ANKRD30B: variants seen among roughly 807,000 people sequenced by gnomAD.
ANKRD30B encodes the protein ankyrin repeat domain-containing protein 30B.
Under a neutral mutation model 202.2 loss-of-function variants are expected in ANKRD30B, and 144 were observed. The ratio of observed to expected loss-of-function variants is 0.71; its 90% CI spans 0.62 to 0.82. ANKRD30B has a LOEUF of 0.82. ANKRD30B is among the 40% of genes least tolerant of loss of function. The probability of loss-of-function intolerance (pLI) is 0.00; values close to 1 mark genes in which losing one functional copy is unlikely to be tolerated. For synonymous variants in ANKRD30B, 508 were observed against 561.3 expected, an observed-to-expected ratio of 0.91 and a Z score of 1.34; for missense variants, 1,487 against 1,669.1, an observed-to-expected ratio of 0.89 and a Z score of 1.90.
At chr18:14,904,598 A>G in the ANKRD30B span, among the ~76,000 whole-genome samples, 2 of 151,934 alleles carry the variant, frequency 1.3e-5, no homozygotes, top group Admixed American at 6.6e-5. Flanking sequence ...TCATGTCTAT[A>G]TATCCATTTA....
intron 18 of ANKRD30B, 53 bp from the exon 19 acceptor site, chr18:14,797,608 T>A: frequency 1.3e-6 from 2 of 1,535,846 alleles, no homozygotes; most frequent in African/African-American, 1.4e-5. Flanking sequence ...GAACGTTTGG[T>A]AGGCTTTGTC....
At chr18:14,866,256 G>C in the ANKRD30B span, among the ~76,000 whole-genome samples, 2 of 152,228 alleles carry the variant, frequency 1.3e-5, no homozygotes, top group Non-Finnish European at 2.9e-5. Flanking sequence ...CTGGAGGCTG[G>C]AGCCTGTAAC....
the ANKRD30B span, among the ~76,000 whole-genome samples, chr18:14,875,802 A>G: frequency 4.5e-4 from 68 of 152,326 alleles, no homozygotes; most frequent in Non-Finnish European, 8.8e-4. Flanking sequence ...TTTGAATTCC[A>G]GCCTAGCCAC....
chr18:14,752,339 G>C (rs1199924875), intron 1 of ANKRD30B, among the ~76,000 whole-genome samples: 1 of 152,158 alleles, frequency 6.6e-6, no homozygotes, highest in Non-Finnish European at 1.5e-5. Flanking sequence ...TCAAGCTCAA[G>C]TTGAACTGAA....
At chr18:14,773,635 A>G (rs1967154866) in intron 9 of ANKRD30B, among the ~76,000 whole-genome samples, 1 of 149,944 alleles carries the variant, frequency 6.7e-6, no homozygotes, top group African/African-American at 2.5e-5. Flanking sequence ...GTTTAGATTA[A>G]AATAATTTTA....
At position 14,807,563 on chromosome 18, in the gene ANKRD30B, G is replaced by A. The variant is rs181060428; in HGVS notation, c.2285-988G>A. ...TTTTCTTTTGTTGAGACAGAGTCTC[G>A]CTCTGTCATCCAGGCTGGAGTGCAG... On this transcript the variant is annotated intron_variant, in intron 24 of 43. Coordinates refer to ENST00000690538, the MANE Select transcript of ANKRD30B (RefSeq NM_001367607.2). Among the ~76,000 whole-genome samples the A allele has an allele frequency of 3.8e-3, 561 of 148,126 alleles. 28 individuals are homozygous for A. The highest frequency in any genetic ancestry group is 0.034 in the Admixed American group (508 of 14,966).
chr18:14,920,502 C>T, the ANKRD30B span, among the ~76,000 whole-genome samples: 1 of 152,168 alleles, frequency 6.6e-6, no homozygotes, highest in Non-Finnish European at 1.5e-5. Context: ...AAGTTAAAGA[C>T]TATCAGAATT....
chr18:14,887,768 T>C, the ANKRD30B span, among the ~76,000 whole-genome samples: 1 of 152,010 alleles, frequency 6.6e-6, no homozygotes, highest in African/African-American at 2.4e-5. Flanking sequence ...AACAAAACAA[T>C]AAAATTCAAA....
chr18:14,835,843 T>C (rs1971150016), intron 34 of ANKRD30B, among the ~76,000 whole-genome samples: 1 of 152,020 alleles, frequency 6.6e-6, no homozygotes, highest in Non-Finnish European at 1.5e-5. Context: ...AGCATTTCTC[T>C]TGTACAATTA....
At chr18:14,876,321 TCC>T in the ANKRD30B span, among the ~76,000 whole-genome samples, 1 of 152,238 alleles carries the variant, frequency 6.6e-6, no homozygotes, top group Non-Finnish European at 1.5e-5. Context: ...CTAAGATTCA[TCC>T]TTGTTGAGTA....
At chr18:14,926,315 A>G in the ANKRD30B span, among the ~76,000 whole-genome samples, 1 of 152,258 alleles carries the variant, frequency 6.6e-6, no homozygotes, top group Non-Finnish European at 1.5e-5. Context: ...TGTGATGACA[A>G]GCACCAGAAT....
the ANKRD30B span, among the ~76,000 whole-genome samples, chr18:14,926,518 G>T: frequency 6.6e-6 from 1 of 152,242 alleles, no homozygotes; most frequent in Non-Finnish European, 1.5e-5. Flanking sequence ...CTCTGCTGTG[G>T]CACAGGTGTG....
chr18:14,755,051 C>T, intron 4 of ANKRD30B, 46 bp downstream of exon 4: 9 of 1,080,042 alleles, frequency 8.3e-6, no homozygotes, highest in Non-Finnish European at 8.8e-6. Flanking sequence ...GACTAGTGTT[C>T]TAGAGTAATA....
At chr18:14,838,703 G>A (rs1405656156) in intron 36 of ANKRD30B, among the ~76,000 whole-genome samples, 1 of 152,174 alleles carries the variant, frequency 6.6e-6, no homozygotes, top group African/African-American at 2.4e-5. Context: ...GATGTCAAAA[G>A]ATAAGTCTGT....
chr18:14,913,855 T>A, the ANKRD30B span, among the ~76,000 whole-genome samples: 1,184 of 152,318 alleles, frequency 7.8e-3, 10 homozygotes, highest in African/African-American at 0.027. Flanking sequence ...AATTAACATC[T>A]ATACAGTGTT....
the ANKRD30B span, among the ~76,000 whole-genome samples, chr18:14,928,492 C>T: frequency 2.9e-3 from 438 of 152,236 alleles, 3 homozygotes; most frequent in Middle Eastern, 0.014. Context: ...GGAAGGAGAA[C>T]ACATTTTCTC....
chr18:14,799,367 T>C, intron 22 of ANKRD30B, 72 bp downstream of exon 22: 1 of 1,322,198 alleles, frequency 7.6e-7, no homozygotes. Context: ...AGCACCTTTT[T>C]ATTCCCAATG....
At chr18:14,843,887 C>T (rs1324596435) in intron 39 of ANKRD30B, among the ~76,000 whole-genome samples, 1 of 152,050 alleles carries the variant, frequency 6.6e-6, no homozygotes, top group African/African-American at 2.4e-5. Flanking sequence ...GATTCTGAAG[C>T]ATTTGGCTTT....
In ANKRD30B at chr18:14,791,418, T is replaced by C; in HGVS notation, c.1752T>C (p.Val584=). ...TTTAACAGAGTCCCTGTGAGACGGT[T>C]TCACAGAAGGATGTGTATTTACCCA... ...SWDSESPCET[V]SQKDVYLPKA... The change falls in exon 16 of 44, where the codon GTT becomes GTC. Residue 584 remains valine (V), a synonymous_variant. Transcript: ENST00000690538. 1 of 1,608,260 alleles carries C rather than the reference T, an allele frequency of 6.2e-7. No individual in the cohort carries two copies. Among genetic ancestry groups the C allele is most frequent in the Non-Finnish European group, 8.5e-7 (1 of 1,178,000 alleles).
Sources: allele counts gnomAD v4.1 joint callset (sites outside exome capture counted in the v4.1 genomes callset), GRCh38; gene constraint gnomAD v4.1.1; transcripts MANE v1.5; gene names NCBI Gene and HGNC (gene_info 2026-07-23, HGNC 2026-07-21).